Variants in BRD4 observed in about 807,000 individuals in gnomAD.
BRD4 encodes bromodomain containing 4.
A neutral mutation model predicts 142.1 loss-of-function variants in BRD4; 16 were observed. That is an observed-to-expected ratio of 0.11 (90% CI 0.08 to 0.17). BRD4 has a LOEUF of 0.17. Ranked by LOEUF, BRD4 falls within the 10% of genes least tolerant of loss-of-function variation. BRD4 has a pLI of 1.00. For missense variants in BRD4, 1,424 were observed against 1,810.9 expected, an observed-to-expected ratio of 0.79 and a Z score of 3.88; for synonymous variants, 833 against 707.5, an observed-to-expected ratio of 1.18 and a Z score of -2.82.
chr19:15,263,608 C>T (rs1210904636), intron 6 of BRD4, 60 bp from the exon 7 acceptor site: 1 of 1,600,572 alleles, frequency 6.2e-7, no homozygotes, highest in Non-Finnish European at 8.6e-7. Context: ...GGAGAAGTGG[C>T]TGGCAGCAGA....
rs148130736 is a variant in BRD4 at position 15,265,402 on chromosome 19, G to A, written c.801C>T (p.Pro267=). The part of the protein sequence containing the change: ...PQPPPAPAPQ[P]VQSHPPIIAA... ...CGATGATGGGTGGGTGGCTCTGTACGGGCTGGGGAGCTGGAGCGGGTGGGG... is the reference window on the plus strand; with the variant it reads ...CGATGATGGGTGGGTGGCTCTGTACAGGCTGGGGAGCTGGAGCGGGTGGGG... Residue 267 remains proline, a synonymous_variant, in exon 5 of 20, where the codon CCC becomes CCT. Coordinates refer to ENST00000679869, the MANE Select transcript of BRD4 (RefSeq NM_001379291.1). The A allele has an allele frequency of 1.7e-3, 2,596 of 1,542,526 alleles. 38 individuals carry two copies. The Admixed American group carries it at 0.03, about 18-fold the overall frequency.
At chr19:15,280,713 A>G (rs998151037) in intron 1 of BRD4, among the ~76,000 whole-genome samples, 1 of 152,162 alleles carries the variant, frequency 6.6e-6, no homozygotes, top group Non-Finnish European at 1.5e-5. Context: ...GCCCCTCATG[A>G]AATCACAAGT....
chr19:15,249,168 A>G, intron 11 of BRD4: 6 of 1,570,722 alleles, frequency 3.8e-6, no homozygotes, highest in Non-Finnish European at 4.4e-6. Flanking sequence ...GAGGAATTCC[A>G]TAACTTGATG....
At chr19:15,303,436 A>C (rs759986977) in intron 1 of BRD4, among the ~76,000 whole-genome samples, 1 of 152,188 alleles carries the variant, frequency 6.6e-6, no homozygotes, top group Non-Finnish European at 1.5e-5. Context: ...GTTAGGCAAC[A>C]CAGTGCCAAA....
chr19:15,257,283 C>A, intron 7 of BRD4, 110 bp from the exon 8 acceptor site: 1 of 1,061,676 alleles, frequency 9.4e-7, no homozygotes, highest in Non-Finnish European at 1.3e-6. Context: ...CAACCGAGGG[C>A]GAAAGAGGAT....
At chr19:15,316,554 C>G (rs538367205) in intron 1 of BRD4, among the ~76,000 whole-genome samples, 5 of 152,052 alleles carry the variant, frequency 3.3e-5, no homozygotes, top group African/African-American at 1.2e-4. Context: ...CCACACCATT[C>G]CATTCCAGCC....
intron 1 of BRD4, among the ~76,000 whole-genome samples, chr19:15,274,991 T>C (rs537827151): frequency 3.9e-5 from 6 of 152,160 alleles, no homozygotes; most frequent in African/African-American, 1.2e-4. Context: ...CCCCAGTAGC[T>C]AGGATTACAG....
intron 1 of BRD4, among the ~76,000 whole-genome samples, chr19:15,287,868 C>T (rs575373393): frequency 1.3e-5 from 2 of 151,558 alleles, no homozygotes; most frequent in East Asian, 3.9e-4. Context: ...CTCCTGGGTT[C>T]GGCGATTCTT....
At chr19:15,265,033 T>A (rs886757490) in intron 5 of BRD4, among the ~76,000 whole-genome samples, 1 of 152,192 alleles carries the variant, frequency 6.6e-6, no homozygotes, top group Non-Finnish European at 1.5e-5. Context: ...GGAGGCTGCT[T>A]AGTACCTAAC....
chr19:15,249,349 G>C (rs1271679099), intron 11 of BRD4: 2 of 1,613,420 alleles, frequency 1.2e-6, no homozygotes, highest in South Asian at 1.1e-5. Flanking sequence ...TACCATTTAA[G>C]TCACAAGAAC....
intron 7 of BRD4, among the ~76,000 whole-genome samples, chr19:15,259,723 C>G (rs1271667451): frequency 6.6e-6 from 1 of 152,216 alleles, no homozygotes; most frequent in Non-Finnish European, 1.5e-5. Flanking sequence ...CTTCAACAGT[C>G]ACAAGTCTCC....
intron 1 of BRD4, 21 bp from the exon 2 acceptor site, chr19:15,273,154 C>T: frequency 5.2e-6 from 8 of 1,526,078 alleles, no homozygotes; most frequent in South Asian, 2.6e-5. Context: ...AGAGAAGAGC[C>T]CCCGTGAGAT....
At position 15,254,159 on chromosome 19, in the gene BRD4, G is replaced by C. The variant is rs200329089; in HGVS notation, c.2151C>G (p.Ser717=). 1.1e-5 allele frequency: 17 copies of C among 1,613,738 alleles called. No individual in the cohort carries two copies. Among genetic ancestry groups the C allele is most frequent in the Non-Finnish European group, 1.4e-5 (16 of 1,179,756 alleles). The change falls in exon 11 of 20, where the codon TCC becomes TCG. Residue 717 remains serine, a synonymous_variant. Transcript: ENST00000679869. The part of the protein sequence containing the change: ...SESSSSDSED[S]ETEMAPKSKK... The stretch of plus-strand genomic sequence containing the variant: ...GAACACAAGTCACCTAACCTGTTTC[G>C]GAGTCTTCGCTGTCAGAGGAGCTGG...
chr19:15,263,991 GA>G, intron 6 of BRD4: 1 of 230,678 alleles, frequency 4.3e-6, no homozygotes, highest in Non-Finnish European at 8.5e-6. Context: ...ACACTATGGT[GA>G]AAATGTCGGC....
intron 1 of BRD4, among the ~76,000 whole-genome samples, chr19:15,282,263 G>C (rs942542655): frequency 2.0e-5 from 3 of 152,228 alleles, no homozygotes; most frequent in African/African-American, 7.2e-5. Flanking sequence ...GCCATAGTTT[G>C]CAGCCCATTC....
At chr19:15,249,281 T>C in intron 11 of BRD4, 1 of 1,613,992 alleles carries the variant, frequency 6.2e-7, no homozygotes. Flanking sequence ...GTCCAATGAT[T>C]AGGCAGGACC....
intron 11 of BRD4, chr19:15,248,863 T>G: frequency 6.4e-6 from 2 of 313,120 alleles, no homozygotes; most frequent in South Asian, 6.1e-5. Flanking sequence ...GTAGTTAGGG[T>G]CCAAAGTCCC....
intron 1 of BRD4, among the ~76,000 whole-genome samples, chr19:15,284,444 G>C (rs1340666205): frequency 6.6e-6 from 1 of 152,202 alleles, no homozygotes; most frequent in Non-Finnish European, 1.5e-5. Flanking sequence ...AGTGTCTCAA[G>C]TGCTGGATTT....
intron 5 of BRD4, 32 bp downstream of exon 5, chr19:15,265,320 GGT>G: frequency 6.8e-7 from 1 of 1,467,476 alleles, no homozygotes; most frequent in Non-Finnish European, 9.0e-7. Context: ...TCTCCTCCCT[GGT>G]GAAGCAGCCC....
Sources: gnomAD v4.1 joint callset for allele counts (sites outside exome capture counted in the v4.1 genomes callset) on GRCh38, gnomAD v4.1.1 for gene constraint, MANE v1.5 for transcripts, NCBI Gene and HGNC (gene_info 2026-07-23, HGNC 2026-07-21) for gene names.